The following EIF3L variants were observed in gnomAD, a reference collection of about 807,000 sequenced individuals.
EIF3L encodes eIEF associated protein HSPC021.
In EIF3L, 32 loss-of-function variants were observed where a neutral mutation model predicts 74.6. The ratio of observed to expected loss-of-function variants is 0.43; its 90% CI spans 0.32 to 0.58. The LOEUF is 0.58. Among genes scored for constraint, EIF3L ranks in the 20% least tolerant of loss-of-function variants. EIF3L has a pLI of 0.06. For synonymous variants in EIF3L, 256 were observed against 254.4 expected, an observed-to-expected ratio of 1.01 and a Z score of -0.06; for missense variants, 474 against 707.8, an observed-to-expected ratio of 0.67 and a Z score of 3.75.
intron 9 of EIF3L, 134 bp from the exon 10 acceptor site, chr22:37,875,707 C>A: frequency 2.6e-6 from 2 of 755,438 alleles, no homozygotes; most frequent in East Asian, 2.7e-5. Context: ...AAGATCCGCT[C>A]TCAAACTCTG....
intron 2 of EIF3L, among the ~76,000 whole-genome samples, chr22:37,850,977 A>G (rs950061804): frequency 2.0e-5 from 3 of 152,142 alleles, no homozygotes; most frequent in African/African-American, 7.2e-5. Flanking sequence ...CTCCCCTCCA[A>G]CGCACACTTT....
chr22:37,849,875 C>T, intron 1 of EIF3L, 140 bp from the exon 2 acceptor site: 1 of 843,738 alleles, frequency 1.2e-6, no homozygotes, highest in South Asian at 1.5e-5. Context: ...TTCTCTAAGG[C>T]GTGTGAGTTC....
intron 7 of EIF3L, among the ~76,000 whole-genome samples, chr22:37,863,866 C>T (rs1297388874): frequency 6.6e-6 from 1 of 151,946 alleles, no homozygotes; most frequent in Non-Finnish European, 1.5e-5. Flanking sequence ...GAGATCAAGA[C>T]CATCCTGGCT....
chr22:37,864,329 T>C (rs1311114546), intron 7 of EIF3L, among the ~76,000 whole-genome samples: 2 of 151,998 alleles, frequency 1.3e-5, no homozygotes, highest in Admixed American at 1.3e-4. Flanking sequence ...TGAGCCACCA[T>C]GCCTAGCCAT....
intron 8 of EIF3L, among the ~76,000 whole-genome samples, chr22:37,870,578 G>A (rs1248063403): frequency 3.3e-5 from 5 of 152,136 alleles, no homozygotes; most frequent in East Asian, 3.8e-4. Flanking sequence ...TGAGATTTGC[G>A]TTTGTAAACA....
At chr22:37,874,677 T>C (rs1375349750) in intron 9 of EIF3L, among the ~76,000 whole-genome samples, 153 bp downstream of exon 9, 1 of 152,144 alleles carries the variant, frequency 6.6e-6, no homozygotes, top group African/African-American at 2.4e-5. Flanking sequence ...CAAACAGCTG[T>C]GGTAAAAAGC....
chr22:37,867,930 C>T (rs1290683679), intron 7 of EIF3L, among the ~76,000 whole-genome samples: 2 of 133,486 alleles, frequency 1.5e-5, no homozygotes, highest in African/African-American at 5.7e-5. Flanking sequence ...ACTCCAGCCT[C>T]GGAGACAGAG....
At chr22:37,882,251 G>A (rs1309823187) in intron 11 of EIF3L, 2 of 152,122 alleles carry the variant, frequency 1.3e-5, no homozygotes, top group Non-Finnish European at 2.9e-5. Flanking sequence ...AGGTTGCAGT[G>A]AGCTGAGATC....
intron 10 of EIF3L, chr22:37,877,192 A>G (rs1215651158): frequency 1.2e-5 from 2 of 162,728 alleles, no homozygotes; most frequent in African/African-American, 4.8e-5. Flanking sequence ...TACCATAGGC[A>G]GTTGTAACAC....
intron 4 of EIF3L, among the ~76,000 whole-genome samples, chr22:37,858,310 T>A (rs1158048431): frequency 6.8e-6 from 1 of 147,176 alleles, no homozygotes; most frequent in Non-Finnish European, 1.5e-5. Flanking sequence ...CTGCAACCTG[T>A]GCCTGCTGGG....
chr22:37,886,913 A>G (rs1257172294), intron 12 of EIF3L, 68 bp downstream of exon 12: 1 of 1,300,912 alleles, frequency 7.7e-7, no homozygotes, highest in East Asian at 2.5e-5. Flanking sequence ...TCGAGAGTTT[A>G]CTTTTTTTTA....
chr22:37,869,872 G>A (rs1376377429), intron 7 of EIF3L, among the ~76,000 whole-genome samples: 1 of 152,166 alleles, frequency 6.6e-6, no homozygotes, highest in African/African-American at 2.4e-5. Context: ...GAGGCCCAGA[G>A]ACAGGAAGTG....
chr22:37,868,659 T>TTTTTTTTGGTGGG (rs1926307359), intron 7 of EIF3L, among the ~76,000 whole-genome samples: 1 of 114,396 alleles, frequency 8.7e-6, no homozygotes, highest in Non-Finnish European at 1.7e-5. Flanking sequence ...TTTTTTTTTT[T>TTTTTTTTGGTGGG]GAGACGGAGT....
At chr22:37,853,223 C>T (rs1925324092) in intron 3 of EIF3L, among the ~76,000 whole-genome samples, 1 of 152,100 alleles carries the variant, frequency 6.6e-6, no homozygotes, top group South Asian at 2.1e-4. Flanking sequence ...TGTATCTGTA[C>T]GGGTCGACAG....
intron 11 of EIF3L, chr22:37,884,246 T>C (rs1449878432): frequency 6.6e-6 from 1 of 152,252 alleles, no homozygotes; most frequent in African/African-American, 2.4e-5. Flanking sequence ...ATTCCTTTTA[T>C]AGCTGAATAA....
intron 4 of EIF3L, among the ~76,000 whole-genome samples, chr22:37,856,799 G>A (rs1192973914): frequency 4.0e-5 from 6 of 150,930 alleles, no homozygotes; most frequent in African/African-American, 4.9e-5. Flanking sequence ...AGCCGAGATC[G>A]CGCCATTGCA....
At chr22:37,868,280 A>ATT (rs750122946) in intron 7 of EIF3L, among the ~76,000 whole-genome samples, 14 of 130,364 alleles carry the variant, frequency 1.1e-4, no homozygotes, top group Non-Finnish European at 1.5e-4. Context: ...CGCCCTGCTA[A>ATT]TTTTTTTTTT....
chr22:37,849,848 T>G, intron 1 of EIF3L, 167 bp from the exon 2 acceptor site: 1 of 712,536 alleles, frequency 1.4e-6, no homozygotes, highest in Non-Finnish European at 2.5e-6. Flanking sequence ...ATTGTCATTG[T>G]CTGTTTACTG....
chr22:37,878,027 C>T lies in EIF3L; in HGVS notation c.1431C>T (p.Gly477=), dbSNP rs1926845770. ...YTTMPVAKLA[G]FLDLTEQEFR... ...CCATGCCTGTGGCCAAGCTGGCTGG[C>T]TTCCTGGACCTCACAGAGCAGGAGT... Residue 477 remains glycine, a synonymous_variant, in exon 11 of 13, where the codon GGC becomes GGT. Coordinates refer to ENST00000652021, the MANE Select transcript of EIF3L (RefSeq NM_016091.4). 6.2e-7 allele frequency: 1 copy of T among 1,613,848 alleles called. No individual in the cohort carries two copies. Among genetic ancestry groups the T allele is most frequent in the African/African-American group, 1.3e-5 (1 of 74,910 alleles).
Sources: allele counts gnomAD v4.1 joint callset (sites outside exome capture counted in the v4.1 genomes callset), GRCh38; gene constraint gnomAD v4.1.1; transcripts MANE v1.5; gene names NCBI Gene and HGNC (gene_info 2026-07-23, HGNC 2026-07-21).